Variants in CELA2B observed in about 807,000 individuals in gnomAD.
CELA2B encodes the protein chymotrypsin like elastase 2B.
CELA2B carries 27 observed loss-of-function variants against 36.5 expected under a neutral mutation model. That is an observed-to-expected ratio of 0.74 (90% CI 0.55 to 1.02). The LOEUF (loss-of-function observed/expected upper bound fraction) is 1.02. CELA2B is among the 50% of genes least tolerant of loss of function. The pLI, the probability that CELA2B is intolerant of heterozygous loss-of-function variation, is 0.00. For missense variants in CELA2B, 340 were observed against 347.8 expected (o/e 0.98, Z 0.18); for synonymous variants, 143 against 148.5 (o/e 0.96, Z 0.27).
intron 2 of CELA2B, among the ~76,000 whole-genome samples, chr1:15,478,996 G>C (rs998226076): frequency 6.6e-6 from 1 of 152,184 alleles, no homozygotes; most frequent in Non-Finnish European, 1.5e-5. Context: ...GTTAGCCCGG[G>C]GGGGAATGAG....
At chr1:15,490,897 G>T in intron 7 of CELA2B, 1 of 213,282 alleles carries the variant, frequency 4.7e-6, no homozygotes, top group Non-Finnish European at 9.5e-6. Context: ...AACAGATACT[G>T]ATCAACAGCC....
chr1:15,491,043 T>G (rs1260146570), intron 7 of CELA2B: 8 of 524,572 alleles, frequency 1.5e-5, no homozygotes, highest in Admixed American at 3.2e-5. Flanking sequence ...GAAGGCCCCC[T>G]GACCTGAAGC....
chr1:15,490,666 G>A (rs1325178929), intron 7 of CELA2B, among the ~76,000 whole-genome samples: 1 of 152,000 alleles, frequency 6.6e-6, no homozygotes, highest in Non-Finnish European at 1.5e-5. Flanking sequence ...TCAGCAGTTC[G>A]AGACCAGCCT....
intron 5 of CELA2B, 159 bp from the exon 6 acceptor site, chr1:15,485,742 C>T (rs1708795524): frequency 1.1e-6 from 1 of 934,590 alleles, no homozygotes; most frequent in South Asian, 1.6e-5. Context: ...GGCCAGCACA[C>T]TAACCAATCA....
chr1:15,484,173 C>T (rs1267985645), intron 5 of CELA2B, among the ~76,000 whole-genome samples: 1 of 152,112 alleles, frequency 6.6e-6, no homozygotes, highest in East Asian at 1.9e-4. Context: ...CCCCTGGAGC[C>T]CTCATCAGAC....
chr1:15,479,611 G>A (rs1354647276), intron 2 of CELA2B, among the ~76,000 whole-genome samples: 2 of 152,094 alleles, frequency 1.3e-5, no homozygotes, highest in African/African-American at 2.4e-5. Flanking sequence ...ATAACACGCC[G>A]GAAAACGAAA....
intron 7 of CELA2B, among the ~76,000 whole-genome samples, chr1:15,490,220 A>ATATCTATCTATCTATC (rs3060903): frequency 2.7e-5 from 4 of 148,512 alleles, no homozygotes; most frequent in South Asian, 2.2e-4. Context: ...CTTTATGTGC[A>ATATCTATCTATCTATC]TATCTATCTA....
rs369813912 is a variant in CELA2B at position 15,483,347 on chromosome 1, C to A, written c.440C>A (p.Thr147Asn). 1.2e-6 allele frequency: 2 copies of A among 1,614,050 alleles called. No homozygotes were observed. The highest frequency in any genetic ancestry group is 2.7e-5 in the African/African-American group (2 of 74,942). ...IQLACLPPAG[T>N]ILPNNYPCYV... Reference sequence around the variant, plus strand: ...CTGGCCTGCCTCCCTCCTGCCGGCACCATTCTACCCAACAACTACCCCTGC... The same window carrying A: ...CTGGCCTGCCTCCCTCCTGCCGGCAACATTCTACCCAACAACTACCCCTGC... The change falls in exon 5 of 8, where the codon ACC (threonine) becomes AAC (asparagine). Residue 147 changes from threonine to asparagine, a missense_variant. Coordinates refer to ENST00000375910, the MANE Select transcript of CELA2B (RefSeq NM_015849.3).
At position 15,490,956 on chromosome 1, in the gene CELA2B, CA is replaced by C. The variant is rs1462053633; in HGVS notation, c.793-338del. The C allele has an allele frequency of 1.2e-4, 40 of 321,640 alleles. No homozygotes were observed. The East Asian group carries it at 1.7e-3, about 14-fold the overall frequency. The allele number at this position is 321,640 out of a possible 1,614,324, so 19.9% of individuals were successfully genotyped here. ...CCACAGTGCATAACTGCCTTGCAAA[CA>C]GCAGTTTTGATGAGAAACAAATGAA... On this transcript the variant is annotated intron_variant, in intron 7 of 7. Transcript: ENST00000375910.
intron 3 of CELA2B, 64 bp downstream of exon 3, chr1:15,481,259 C>T: frequency 6.3e-7 from 1 of 1,583,466 alleles, no homozygotes; most frequent in Non-Finnish European, 8.7e-7. Context: ...GAGCTGGGGG[C>T]TCAAATGGCC....
At chr1:15,486,106 G>C (rs1708801563) in intron 6 of CELA2B, 60 bp downstream of exon 6, 1 of 1,586,218 alleles carries the variant, frequency 6.3e-7, no homozygotes, top group Non-Finnish European at 8.6e-7. Context: ...GATGGGAAGA[G>C]GCTATGGAAA....
chr1:15,488,465 A>G (rs1345172780), intron 7 of CELA2B, among the ~76,000 whole-genome samples: 1 of 152,176 alleles, frequency 6.6e-6, no homozygotes, highest in Non-Finnish European at 1.5e-5. Flanking sequence ...GAAAGCAGCC[A>G]GAAGAGGAAA....
rs900045182 is a variant in CELA2B at position 15,491,316 on chromosome 1, A to G, written c.*4A>G. 1.5e-5 allele frequency: 25 copies of G among 1,614,030 alleles called. No homozygotes were observed. The highest frequency in any genetic ancestry group is 1.9e-5 in the Non-Finnish European group (23 of 1,180,028). ...GCAGGTGATTGCAAATAACTAACCA[A>G]AAGAAGTCCCTGGGACTGTTTCAGA... is the stretch of plus-strand genomic sequence containing the variant. On this transcript the variant is annotated 3_prime_UTR_variant, in exon 8 of 8. Transcript: ENST00000375910.
chr1:15,488,211 ACT>A (rs766257091), intron 7 of CELA2B, among the ~76,000 whole-genome samples: 9 of 151,726 alleles, frequency 5.9e-5, no homozygotes, highest in Admixed American at 3.3e-4. Context: ...ACATAGCGAG[ACT>A]CTGTCTTTAC....
intron 2 of CELA2B, among the ~76,000 whole-genome samples, chr1:15,479,007 G>T (rs536114000): frequency 7.2e-5 from 11 of 152,308 alleles, no homozygotes; most frequent in Admixed American, 2.0e-4. Context: ...GGGGAATGAG[G>T]ATTCAAATCT....
At chr1:15,482,179 G>C (rs1394570453) in intron 3 of CELA2B, 86 bp from the exon 4 acceptor site, 4 of 1,520,674 alleles carry the variant, frequency 2.6e-6, no homozygotes, top group East Asian at 2.3e-5. Context: ...GGCTCATGAA[G>C]CAGCCAGTTA....
At chr1:15,481,629 T>A in intron 3 of CELA2B, 1 of 475,316 alleles carries the variant, frequency 2.1e-6, no homozygotes, top group Non-Finnish European at 4.3e-6. Flanking sequence ...CAATGAAAGC[T>A]AATTCTGAAT....
intron 3 of CELA2B, among the ~76,000 whole-genome samples, chr1:15,481,428 G>C (rs576916677): frequency 6.6e-6 from 1 of 152,220 alleles, no homozygotes; most frequent in Non-Finnish European, 1.5e-5. Context: ...AGGATGAAGA[G>C]GAGGGGAAGG....
rs544510712 is a variant in CELA2B, at chr1:15,483,235, T to C, written c.357-29T>C. ...ATAGGGCAGGAAAAGTCAACCCTGT[T>C]CTCATGCTCCGCCTCCGCACTCACC... On this transcript the variant is annotated intron_variant, in intron 4 of 7. Coordinates refer to ENST00000375910, the MANE Select transcript of CELA2B (RefSeq NM_015849.3). 7.1e-5 allele frequency: 115 copies of C among 1,612,556 alleles called. 1 individual carries two copies. The South Asian group carries it at 1.2e-3, about 17-fold the overall frequency.
Sources: allele counts gnomAD v4.1 joint callset (sites outside exome capture counted in the v4.1 genomes callset), GRCh38; gene constraint gnomAD v4.1.1; transcripts MANE v1.5; gene names NCBI Gene and HGNC (gene_info 2026-07-23, HGNC 2026-07-21).